The following PKD2 variants were observed in gnomAD, a reference collection of about 807,000 sequenced individuals.
PKD2 encodes the protein polycystin-2.
Under a neutral mutation model 105.9 loss-of-function variants are expected in PKD2, and 48 were observed. The observed-to-expected ratio is 0.45, with a 90% CI of 0.36 to 0.58. PKD2 has a LOEUF of 0.58. PKD2 is among the 20% of genes least tolerant of loss of function. PKD2 has a pLI of 0.00. For missense variants in PKD2, 1,078 were observed against 1,255.3 expected (o/e 0.86, Z 2.13); for synonymous variants, 464 against 481.1 (o/e 0.96, Z 0.46).
rs2110080769 is a variant in PKD2 at position 88,008,334 on chromosome 4, A to G, written c.595+6A>G. 2.0e-6 allele frequency: 3 copies of G among 1,502,392 alleles called. No individual in the cohort carries two copies. Among genetic ancestry groups the G allele is most frequent in the East Asian group, 5.2e-5 (2 of 38,324 alleles). The allele number at this position is 1,502,392 out of a possible 1,614,324, so 93.1% of individuals were successfully genotyped here. A position where few individuals can be genotyped will look rare whatever the true frequency, so the allele number is the denominator to read the frequency against. The stretch of plus-strand genomic sequence containing the variant: ...GCTGGTTCGCGGGCTGCGAGGTAAG[A>G]GCGCGCGACCCGCAGCGGCAGATGC... On this transcript the variant is annotated splice_donor_region_variant and intron_variant, in intron 1 of 14. Coordinates refer to ENST00000237596, the MANE Select transcript of PKD2 (RefSeq NM_000297.4).
In PKD2 at chr4:88,058,052, G is replaced by A. The variant is rs1428941293; in HGVS notation, c.1968G>A (p.Leu656=). The A allele has an allele frequency of 6.4e-7, 1 of 1,560,080 alleles. No homozygotes were observed. Among genetic ancestry groups the A allele is most frequent in the East Asian group, 2.2e-5 (1 of 44,534 alleles). ...AGATTGAGGAAGCTAATCGAGTTTT[G>A]GGACCAATTTATTTCACTACATTTG... ...FAEIEEANRV[L]GPIYFTTFVF... The change falls in exon 9 of 15, where the codon TTG becomes TTA. Residue 656 remains leucine, a synonymous_variant. Coordinates refer to ENST00000237596, the MANE Select transcript of PKD2 (RefSeq NM_000297.4).
intron 14 of PKD2, 31 bp downstream of exon 14, chr4:88,074,990 C>T: frequency 6.2e-7 from 1 of 1,606,706 alleles, no homozygotes; most frequent in Non-Finnish European, 8.5e-7. Context: ...AACACCGCTG[C>T]TGAGCATGGT....
chr4:88,046,711 C>A lies in PKD2; in HGVS notation c.1389C>A (p.Ile463=), dbSNP rs139700679. 3.1e-6 allele frequency: 5 copies of A among 1,613,494 alleles called. No individual in the cohort carries two copies. The African/African-American group carries it at 6.7e-5, about 22-fold the overall frequency. The change falls in exon 6 of 15, where the codon ATC becomes ATA. Residue 463 remains isoleucine (I), a synonymous_variant. Coordinates refer to ENST00000237596, the MANE Select transcript of PKD2 (RefSeq NM_000297.4). ...PSWQFQPLKL[I]RYVTTFDFFL... ...GGCAATTTCAGCCTTTAAAGCTGAT[C>A]CGATATGTCACAACTTTTGATTTCT...
At chr4:88,046,519 G>A (rs1727775239) in intron 5 of PKD2, 123 bp from the exon 6 acceptor site, 2 of 729,894 alleles carry the variant, frequency 2.7e-6, no homozygotes, top group Admixed American at 1.9e-5. Context: ...CGCTAGTTTG[G>A]GGGGACTCAT....
In PKD2 at chr4:88,074,829, A is replaced by G. The variant is rs779008475; in HGVS notation, c.2540A>G (p.Asp847Gly). The change falls in exon 14 of 15, where the codon GAC becomes GGC. Residue 847 changes from aspartate (D) to glycine (G), a missense_variant. Around this residue, in one of 2 missense-constraint regions of PKD2, gnomAD observed 868 missense variants for 1,067.3 expected, o/e 0.81. Transcript: ENST00000237596. The stretch of plus-strand genomic sequence containing the variant: ...CCTTGCAGCCTGGTGAGACGAGTGG[A>G]CCGGATGGAGCATTCCATCGGCAGC... ...EEFQVLVRRV[D>G]RMEHSIGSIV... 1 of 1,614,100 alleles carries G rather than the reference A, an allele frequency of 6.2e-7. No homozygotes were observed. Among genetic ancestry groups the G allele is most frequent in the East Asian group, 2.2e-5 (1 of 44,882 alleles).
At chr4:88,070,593 TATATATATAGAGAGAGAGAG>T (rs1425160244) in intron 13 of PKD2, among the ~76,000 whole-genome samples, 2 of 108,480 alleles carry the variant, frequency 1.8e-5, no homozygotes, top group African/African-American at 7.2e-5. Flanking sequence ...TATATATATA[TATATATATAGAGAGAGAGAG>T]AGAGAGAGAG....
intron 2 of PKD2, among the ~76,000 whole-genome samples, chr4:88,030,689 G>A (rs1301154388): frequency 2.6e-5 from 4 of 152,184 alleles, no homozygotes; most frequent in South Asian, 2.1e-4. Flanking sequence ...CCCCTCCTTC[G>A]AGTTGTGCTG....
intron 2 of PKD2, among the ~76,000 whole-genome samples, chr4:88,021,856 T>C (rs537022123): frequency 4.1e-4 from 63 of 152,360 alleles, no homozygotes; most frequent in African/African-American, 1.4e-3. Flanking sequence ...CCTCTAAGCC[T>C]TCTCCAGGTT....
At chr4:88,042,268 T>A (rs1230785706) in intron 4 of PKD2, among the ~76,000 whole-genome samples, 1 of 152,164 alleles carries the variant, frequency 6.6e-6, no homozygotes, top group Non-Finnish European at 1.5e-5. Flanking sequence ...AAGTCACGTC[T>A]TACGTGGATG....
At chr4:88,028,299 A>G (rs1413723349) in intron 2 of PKD2, among the ~76,000 whole-genome samples, 1 of 152,240 alleles carries the variant, frequency 6.6e-6, no homozygotes, top group African/African-American at 2.4e-5. Flanking sequence ...CGAGTTGATA[A>G]CAAGATCAGT....
At chr4:88,069,345 C>G (rs1463171207) in intron 13 of PKD2, among the ~76,000 whole-genome samples, 1 of 151,784 alleles carries the variant, frequency 6.6e-6, no homozygotes, top group Non-Finnish European at 1.5e-5. Flanking sequence ...TGTTTTCTAG[C>G]TTACTTTTTT....
At chr4:88,023,126 A>C (rs569018585) in intron 2 of PKD2, among the ~76,000 whole-genome samples, 1 of 152,094 alleles carries the variant, frequency 6.6e-6, no homozygotes, top group South Asian at 2.1e-4. Context: ...TAAATAAATA[A>C]ATAGAAAAGA....
intron 13 of PKD2, among the ~76,000 whole-genome samples, chr4:88,069,896 G>A (rs1264418733): frequency 6.6e-6 from 1 of 152,012 alleles, no homozygotes; most frequent in Non-Finnish European, 1.5e-5. Context: ...TAGACCTTCA[G>A]ATCCAATTAT....
At chr4:88,041,794 G>A (rs1196632502) in intron 4 of PKD2, among the ~76,000 whole-genome samples, 1 of 152,146 alleles carries the variant, frequency 6.6e-6, no homozygotes, top group Non-Finnish European at 1.5e-5. Context: ...ACTGGTGCAG[G>A]GAGCTGTTTA....
intron 2 of PKD2, among the ~76,000 whole-genome samples, chr4:88,022,317 T>C (rs1008939972): frequency 3.9e-5 from 6 of 152,218 alleles, no homozygotes; most frequent in African/African-American, 1.4e-4. Flanking sequence ...AGAGTTATTA[T>C]CTCTATCCAT....
chr4:88,065,238 C>T, intron 10 of PKD2, 136 bp from the exon 11 acceptor site: 1 of 773,198 alleles, frequency 1.3e-6, no homozygotes, highest in Non-Finnish European at 2.3e-6. Context: ...ATTAATTCTT[C>T]ATTCATCCAG....
At chr4:88,032,080 C>T (rs1321721345) in intron 2 of PKD2, among the ~76,000 whole-genome samples, 1 of 152,016 alleles carries the variant, frequency 6.6e-6, no homozygotes, top group African/African-American at 2.4e-5. Context: ...AGAGTCTAAA[C>T]CATTCACAGT....
At chr4:88,011,317 A>G (rs967637918) in intron 1 of PKD2, among the ~76,000 whole-genome samples, 1 of 149,454 alleles carries the variant, frequency 6.7e-6, no homozygotes, top group Non-Finnish European at 1.5e-5. Context: ...TTAGGCGTAT[A>G]TTCTTGGGCT....
At chr4:88,021,978 GAA>G (rs530674264) in intron 2 of PKD2, among the ~76,000 whole-genome samples, 1 of 152,172 alleles carries the variant, frequency 6.6e-6, no homozygotes, top group Non-Finnish European at 1.5e-5. Context: ...GAGTCCCTAA[GAA>G]AGCACATGAG....
Sources: gnomAD v4.1 joint callset for allele counts (sites outside exome capture counted in the v4.1 genomes callset) on GRCh38, gnomAD v4.1.1 for gene constraint, gnomAD v4.1.1 regional missense constraint, MANE v1.5 for transcripts, NCBI Gene and HGNC (gene_info 2026-07-23, HGNC 2026-07-21) for gene names.